The following SORCS2 variants were observed in gnomAD, a reference collection of about 807,000 sequenced individuals.
SORCS2 encodes the protein sortilin related VPS10 domain containing receptor 2, also known as VPS10 domain-containing receptor SorCS2.
SORCS2 carries 100 observed loss-of-function variants against 141.6 expected under a neutral mutation model. The ratio of observed to expected loss-of-function variants is 0.71; its 90% CI spans 0.60 to 0.83. SORCS2 has a LOEUF of 0.83. SORCS2 is among the 40% of genes least tolerant of loss of function. The probability of loss-of-function intolerance (pLI) is 0.00; values close to 1 mark genes in which losing one functional copy is unlikely to be tolerated. For missense variants in SORCS2, 1,646 were observed against 1,560.2 expected (o/e 1.05, Z -0.93); for synonymous variants, 789 against 676.9 (o/e 1.17, Z -2.57).
intron 1 of SORCS2, among the ~76,000 whole-genome samples, chr4:7,356,049 G>C (rs903004626): frequency 6.6e-6 from 1 of 152,212 alleles, no homozygotes; most frequent in Admixed American, 6.5e-5. Context: ...TGCTGCCCCA[G>C]GGCCTTTGCA....
intron 1 of SORCS2, among the ~76,000 whole-genome samples, chr4:7,251,963 G>A (rs1484344049): frequency 6.6e-6 from 1 of 152,136 alleles, no homozygotes; most frequent in Non-Finnish European, 1.5e-5. Context: ...AATGATGACA[G>A]CGGCCAGTAC....
intron 1 of SORCS2, among the ~76,000 whole-genome samples, chr4:7,239,675 A>G (rs1268864672): frequency 1.3e-5 from 2 of 152,190 alleles, no homozygotes; most frequent in Non-Finnish European, 2.9e-5. Flanking sequence ...GGCCCCCAGG[A>G]TAGGCCTCTT....
At chr4:7,703,430 C>A in intron 13 of SORCS2, 59 bp downstream of exon 13, 2 of 1,417,726 alleles carry the variant, frequency 1.4e-6, no homozygotes, top group Non-Finnish European at 1.9e-6. Context: ...TTCTTTCCAC[C>A]TGGGAACCCT....
intron 14 of SORCS2, among the ~76,000 whole-genome samples, chr4:7,706,478 TGGACAGAGATGAGGCTGGGCTCCGC>T (rs1725468607): frequency 1.5e-5 from 2 of 135,248 alleles, no homozygotes; most frequent in African/African-American, 2.9e-5. Context: ...GGGCTCTGCC[TGGACAGAGATGAGGCTGGGCTCCGC>T]CTGGGCAGGG....
intron 2 of SORCS2, among the ~76,000 whole-genome samples, chr4:7,440,067 C>T (rs955664980): frequency 2.6e-4 from 40 of 152,240 alleles, no homozygotes; most frequent in African/African-American, 9.2e-4. Context: ...TCATCCTCCA[C>T]CCACACTTTA....
chr4:7,304,086 C>G (rs1717624561), intron 1 of SORCS2, among the ~76,000 whole-genome samples: 1 of 152,236 alleles, frequency 6.6e-6, no homozygotes, highest in South Asian at 2.1e-4. Context: ...TTTATTTAAC[C>G]AATACTTGTT....
Position 7,712,818 on chromosome 4 carries a change from G to C in SORCS2, c.1954G>C (p.Glu652Gln). The C allele has an allele frequency of 6.2e-7, 1 of 1,614,004 alleles. No homozygotes were observed. The highest frequency in any genetic ancestry group is 8.5e-7 in the Non-Finnish European group (1 of 1,179,890). ...CTCATTCTCCAGGCAGTGCGGCGAG[G>C]AGGACTACAGCTCCTGGGAGCTCTC... is the stretch of plus-strand genomic sequence containing the variant. ...RPSFSRQCGE[E>Q]DYSSWELSNL... The change falls in exon 15 of 27, where the codon GAG becomes CAG. Residue 652 changes from glutamate (E) to glutamine (Q), a missense_variant. Transcript: ENST00000507866.
intron 3 of SORCS2, among the ~76,000 whole-genome samples, chr4:7,575,063 G>C (rs1035572887): frequency 6.6e-6 from 1 of 152,194 alleles, no homozygotes; most frequent in East Asian, 1.9e-4. Flanking sequence ...TGAAGATCGG[G>C]GGACTGGCGG....
intron 1 of SORCS2, among the ~76,000 whole-genome samples, chr4:7,305,325 A>C (rs1327904191): frequency 9.5e-5 from 12 of 125,806 alleles, no homozygotes; most frequent in Middle Eastern, 4.2e-3. Flanking sequence ...GCCACCACGC[A>C]CGGCCCATTC....
intron 1 of SORCS2, among the ~76,000 whole-genome samples, chr4:7,340,515 C>T (rs1296940812): frequency 1.3e-5 from 2 of 152,240 alleles, no homozygotes; most frequent in Non-Finnish European, 2.9e-5. Flanking sequence ...AAGGCGCCCC[C>T]CAGGTGGCTT....
chr4:7,207,260 T>C (rs4475147), intron 1 of SORCS2, among the ~76,000 whole-genome samples: 94,458 of 152,172 alleles, frequency 0.62, 31,831 homozygotes, highest in East Asian at 0.92. Context: ...CACATCCACA[T>C]GTCCCTTTGA....
chr4:7,540,349 G>C (rs576047525), intron 3 of SORCS2, among the ~76,000 whole-genome samples: 1 of 151,982 alleles, frequency 6.6e-6, no homozygotes, highest in Non-Finnish European at 1.5e-5. Flanking sequence ...ATTAGCCCGG[G>C]TCCCGTGGAC....
At chr4:7,209,018 A>G (rs982003742) in intron 1 of SORCS2, among the ~76,000 whole-genome samples, 2 of 152,122 alleles carry the variant, frequency 1.3e-5, no homozygotes, top group African/African-American at 4.8e-5. Context: ...TCTGCCCTCC[A>G]TGGAGGGAGC....
intron 23 of SORCS2, 97 bp downstream of exon 23, chr4:7,729,809 T>C: frequency 6.7e-7 from 1 of 1,483,362 alleles, no homozygotes; most frequent in Non-Finnish European, 9.1e-7. Flanking sequence ...GCTCATGGCA[T>C]AAAGGCGTCT....
At chr4:7,703,033 T>A (rs1199018559) in intron 12 of SORCS2, among the ~76,000 whole-genome samples, 1 of 152,270 alleles carries the variant, frequency 6.6e-6, no homozygotes, top group Non-Finnish European at 1.5e-5. Flanking sequence ...ATTTGCAGTT[T>A]CCTTGTTCAG....
In SORCS2 at chr4:7,328,839, C is replaced by T. The variant is rs544743036; in HGVS notation, c.481-67449C>T. On this transcript the variant is annotated intron_variant, in intron 1 of 26. Coordinates refer to ENST00000507866, the MANE Select transcript of SORCS2 (RefSeq NM_020777.3). Reference sequence around the variant, plus strand: ...GTTGCCTCAGCCAGCCCATCTCTACCGTCCCTTCCGGCCTGAGGATGAGCA... The same window carrying T: ...GTTGCCTCAGCCAGCCCATCTCTACTGTCCCTTCCGGCCTGAGGATGAGCA... Among the ~76,000 whole-genome samples, 129 of 152,340 alleles carry T rather than the reference C, an allele frequency of 8.5e-4. 1 individual carries two copies. In the South Asian group the frequency reaches 0.023, roughly 28 times the overall value.
rs1048596251 is a variant in SORCS2, at chr4:7,589,434, G to A, written c.649-48894G>A. Among the ~76,000 whole-genome samples the A allele has an allele frequency of 4.6e-5, 7 of 152,068 alleles. No individual in the cohort carries two copies. The South Asian group carries it at 1.2e-3, about 27-fold the overall frequency. On this transcript the variant is annotated intron_variant, in intron 3 of 26. Coordinates refer to ENST00000507866, the MANE Select transcript of SORCS2 (RefSeq NM_020777.3). ...TTGTTTTGTTTTGAGACAGAGTCTCGCTCTGTGGCCCAGGTTGGTGTGCAG... is the reference window on the plus strand; with the variant it reads ...TTGTTTTGTTTTGAGACAGAGTCTCACTCTGTGGCCCAGGTTGGTGTGCAG...
At chr4:7,379,841 G>A (rs180903819) in intron 1 of SORCS2, among the ~76,000 whole-genome samples, 110 of 152,338 alleles carry the variant, frequency 7.2e-4, no homozygotes, top group Middle Eastern at 3.4e-3. Context: ...GAAGGCAGCT[G>A]CAGAAACTTG....
chr4:7,561,503 T>A (rs1476783124), intron 3 of SORCS2, among the ~76,000 whole-genome samples: 3 of 151,986 alleles, frequency 2.0e-5, no homozygotes, highest in Non-Finnish European at 4.4e-5. Flanking sequence ...TACCCATTCA[T>A]CCATCTATCC....
Sources: gnomAD v4.1 joint callset for allele counts (sites outside exome capture counted in the v4.1 genomes callset) on GRCh38, gnomAD v4.1.1 for gene constraint, MANE v1.5 for transcripts, NCBI Gene and HGNC (gene_info 2026-07-23, HGNC 2026-07-21) for gene names.